The following RSRC1 variants were observed in gnomAD, a reference collection of about 807,000 sequenced individuals.
RSRC1 encodes arginine and serine rich coiled-coil 1, also known as serine/Arginine-related protein 53.
RSRC1 carries 39 observed loss-of-function variants against 49.1 expected under a neutral mutation model. That is an observed-to-expected ratio of 0.79 (90% CI 0.61 to 1.04). The LOEUF (loss-of-function observed/expected upper bound fraction) is 1.04, where lower values mean the gene tolerates loss of function less well. Among genes scored for constraint, RSRC1 ranks in the 50% least tolerant of loss-of-function variants. The pLI, the probability that RSRC1 is intolerant of heterozygous loss-of-function variation, is 0.00. For missense variants in RSRC1, 388 were observed against 402.4 expected, an observed-to-expected ratio of 0.96 and a Z score of 0.31; for synonymous variants, 143 against 130.8, an observed-to-expected ratio of 1.09 and a Z score of -0.63.
At chr3:158,359,757 G>C (rs553426276) in intron 6 of RSRC1, among the ~76,000 whole-genome samples, 40 of 152,304 alleles carry the variant, frequency 2.6e-4, no homozygotes, top group African/African-American at 9.6e-4. Context: ...GCATGTCTCA[G>C]TCCTGTTTGT....
At chr3:158,410,446 C>T (rs914931608) in intron 6 of RSRC1, among the ~76,000 whole-genome samples, 4 of 152,154 alleles carry the variant, frequency 2.6e-5, no homozygotes, top group Admixed American at 2.6e-4. Flanking sequence ...GCATCACAAA[C>T]TTCTTTCATA....
intron 3 of RSRC1, among the ~76,000 whole-genome samples, chr3:158,131,617 G>A (rs1201311595): frequency 1.3e-5 from 2 of 151,978 alleles, no homozygotes; most frequent in East Asian, 3.9e-4. Flanking sequence ...TCACTCTCCG[G>A]GTTCTTTTGC....
intron 5 of RSRC1, among the ~76,000 whole-genome samples, chr3:158,339,829 A>G (rs1730131470): frequency 6.6e-6 from 1 of 152,212 alleles, no homozygotes; most frequent in Admixed American, 6.5e-5. Flanking sequence ...TAAACTGAAA[A>G]TGATAAGTGT....
intron 5 of RSRC1, among the ~76,000 whole-genome samples, chr3:158,353,257 T>C (rs1003227165): frequency 3.3e-5 from 5 of 152,180 alleles, no homozygotes; most frequent in Non-Finnish European, 7.3e-5. Flanking sequence ...CTCAAAAATA[T>C]TGCTAGAGTG....
intron 7 of RSRC1, among the ~76,000 whole-genome samples, chr3:158,512,466 T>C (rs1419436422): frequency 3.9e-5 from 6 of 152,152 alleles, no homozygotes; most frequent in African/African-American, 1.4e-4. Context: ...TCTGTTCCAT[T>C]GATCTATATC....
intron 4 of RSRC1, among the ~76,000 whole-genome samples, chr3:158,213,453 A>G (rs371375329): frequency 4.6e-5 from 7 of 151,864 alleles, no homozygotes; most frequent in Admixed American, 1.3e-4. Flanking sequence ...GAGATTGCAT[A>G]TAACTACAGG....
chr3:158,478,897 G>A (rs1175541404), intron 7 of RSRC1, among the ~76,000 whole-genome samples: 1 of 138,122 alleles, frequency 7.2e-6, no homozygotes. Flanking sequence ...GAGTACTATT[G>A]TATTCATTAA....
intron 6 of RSRC1, among the ~76,000 whole-genome samples, chr3:158,437,945 C>T (rs539063143): frequency 6.6e-6 from 1 of 152,226 alleles, no homozygotes; most frequent in African/African-American, 2.4e-5. Context: ...AAATCTCCTT[C>T]AGCTGATAAA....
chr3:158,203,810 A>G (rs370119067), intron 4 of RSRC1, among the ~76,000 whole-genome samples: 4 of 152,160 alleles, frequency 2.6e-5, no homozygotes, highest in Middle Eastern at 3.2e-3. Context: ...TTTATTTTTC[A>G]TAGAATTGAT....
chr3:158,260,937 G>A (rs1724859195), intron 4 of RSRC1, among the ~76,000 whole-genome samples: 1 of 152,150 alleles, frequency 6.6e-6, no homozygotes, highest in Non-Finnish European at 1.5e-5. Flanking sequence ...TGCTGCTGGG[G>A]GTTCAGGGAA....
rs531674471 is a variant in RSRC1, at chr3:158,250,752, C to G, written c.495-47287C>G. Among the ~76,000 whole-genome samples the G allele has an allele frequency of 8.5e-5, 13 of 152,244 alleles. No homozygotes were observed. The South Asian group carries it at 2.7e-3, about 32-fold the overall frequency. On this transcript the variant is annotated intron_variant, in intron 4 of 9. Coordinates refer to ENST00000611884, the MANE Select transcript of RSRC1 (RefSeq NM_001271838.2). ...CACATGGATAGTTTGCAGATATTTT[C>G]TTTGGGATGCAGATATTTTCCCAAT...
At chr3:158,461,092 G>T (rs528119537) in intron 7 of RSRC1, 89 bp downstream of exon 7, 4 of 865,362 alleles carry the variant, frequency 4.6e-6, no homozygotes, top group Non-Finnish European at 7.0e-6. Context: ...ATGCCTTAAG[G>T]GTTACTTCAT....
At chr3:158,339,261 C>T (rs827184) in intron 5 of RSRC1, among the ~76,000 whole-genome samples, 57,734 of 145,734 alleles carry the variant, frequency 0.4, 12,069 homozygotes, top group East Asian at 0.63. Context: ...CACTGCAGTC[C>T]GCAGTCCGGC....
At chr3:158,128,176 C>T (rs1416505267) in intron 3 of RSRC1, among the ~76,000 whole-genome samples, 1 of 152,150 alleles carries the variant, frequency 6.6e-6, no homozygotes, top group Non-Finnish European at 1.5e-5. Flanking sequence ...AAACCCATCC[C>T]TTGGGTGGCC....
intron 7 of RSRC1, among the ~76,000 whole-genome samples, chr3:158,478,546 A>G (rs1738479826): frequency 7.3e-6 from 1 of 136,274 alleles, no homozygotes; most frequent in South Asian, 2.6e-4. Flanking sequence ...GTTTTGTTTC[A>G]ACATCCATCT....
chr3:158,147,357 C>G (rs7629341), intron 3 of RSRC1, among the ~76,000 whole-genome samples: 89,634 of 151,304 alleles, frequency 0.59, 26,826 homozygotes, highest in East Asian at 0.71. Flanking sequence ...CCTCTCATCT[C>G]AACCTCCTGA....
At chr3:158,297,698 G>A (rs1378141214) in intron 4 of RSRC1, among the ~76,000 whole-genome samples, 1 of 150,932 alleles carries the variant, frequency 6.6e-6, no homozygotes, top group Non-Finnish European at 1.5e-5. Flanking sequence ...AATAAATGTT[G>A]GAAATAAACA....
intron 7 of RSRC1, among the ~76,000 whole-genome samples, chr3:158,504,932 G>A (rs1440934092): frequency 3.3e-5 from 5 of 152,126 alleles, no homozygotes; most frequent in African/African-American, 1.2e-4. Context: ...CTGACGTTTG[G>A]CCTTCAAATT....
chr3:158,242,845 A>G (rs1326390199), intron 4 of RSRC1, among the ~76,000 whole-genome samples: 1 of 152,038 alleles, frequency 6.6e-6, no homozygotes. Flanking sequence ...GGTCACATAT[A>G]TATCTTCTTT....
Sources: gnomAD v4.1 joint callset for allele counts (sites outside exome capture counted in the v4.1 genomes callset) on GRCh38, gnomAD v4.1.1 for gene constraint, MANE v1.5 for transcripts, NCBI Gene and HGNC (gene_info 2026-07-23, HGNC 2026-07-21) for gene names.